The following OAS2 variants were observed in gnomAD, a reference collection of about 807,000 sequenced individuals.
OAS2 encodes the protein 2'-5'-oligoadenylate synthetase 2.
Under a neutral mutation model 71.3 loss-of-function variants are expected in OAS2, and 67 were observed. The observed-to-expected ratio is 0.94, with a 90% CI of 0.77 to 1.15. The LOEUF (loss-of-function observed/expected upper bound fraction) is 1.15. Among genes scored for constraint, OAS2 ranks in the 50% most tolerant of loss-of-function variants. The pLI, the probability that OAS2 is intolerant of heterozygous loss-of-function variation, is 0.00. For synonymous variants in OAS2, 327 were observed against 321.8 expected (o/e 1.02, Z -0.17); for missense variants, 789 against 822.5 (o/e 0.96, Z 0.50).
intron 1 of OAS2, among the ~76,000 whole-genome samples, chr12:112,982,842 C>A (rs1010402162): frequency 6.6e-6 from 1 of 152,148 alleles, no homozygotes; most frequent in Non-Finnish European, 1.5e-5. Context: ...ATTACTGATT[C>A]AATCTACTCA....
chr12:113,004,873 C>A, intron 6 of OAS2, 61 bp from the exon 7 acceptor site: 1 of 1,563,762 alleles, frequency 6.4e-7, no homozygotes, highest in Non-Finnish European at 8.7e-7. Context: ...TGCCAGCCCA[C>A]GGGGGCACGG....
chr12:112,985,838 T>G (rs1448246358), intron 1 of OAS2, among the ~76,000 whole-genome samples: 1 of 152,234 alleles, frequency 6.6e-6, no homozygotes, highest in African/African-American at 2.4e-5. Context: ...CTGGGCATGA[T>G]GGCTCATGCC....
intron 5 of OAS2, among the ~76,000 whole-genome samples, chr12:112,998,649 C>T (rs34941832): frequency 0.11 from 16,424 of 152,244 alleles, 976 homozygotes; most frequent in Non-Finnish European, 0.14. Context: ...AAGAATTATT[C>T]CAGGCTTCCT....
intron 2 of OAS2, among the ~76,000 whole-genome samples, 192 bp from the exon 3 acceptor site, chr12:112,995,104 G>A (rs796482647): frequency 2.6e-5 from 4 of 152,192 alleles, no homozygotes; most frequent in African/African-American, 9.6e-5. Flanking sequence ...AGTCAGTTTA[G>A]ACTACACTTT....
intron 2 of OAS2, among the ~76,000 whole-genome samples, chr12:112,990,548 C>T (rs1018251103): frequency 6.6e-6 from 1 of 152,180 alleles, no homozygotes; most frequent in Non-Finnish European, 1.5e-5. Context: ...AGATGTCAGA[C>T]GATTAGTTAA....
intron 1 of OAS2, among the ~76,000 whole-genome samples, chr12:112,986,157 G>A (rs1363047968): frequency 6.6e-6 from 1 of 152,174 alleles, no homozygotes; most frequent in Non-Finnish European, 1.5e-5. Context: ...TGTTAATGGA[G>A]TCTGTGGAAA....
chr12:113,008,962 TG>T (rs1447695511), intron 9 of OAS2, 124 bp from the exon 10 acceptor site: 11 of 1,471,966 alleles, frequency 7.5e-6, no homozygotes, highest in Admixed American at 2.4e-5. Context: ...CTAGTAAATT[TG>T]AGTTGCTGAC....
Position 113,009,493 on chromosome 12 carries a change from C to T in OAS2, c.*238C>T, listed in dbSNP as rs1565999062. 2 of 1,215,278 alleles carry T rather than the reference C, an allele frequency of 1.6e-6. No homozygotes were observed. Among genetic ancestry groups the T allele is most frequent in the East Asian group, 7.6e-5 (2 of 26,354 alleles). The allele number at this position is 1,215,278 out of a possible 1,614,324, so 75.3% of individuals were successfully genotyped here. A position where few individuals can be genotyped will look rare whatever the true frequency, so the allele number is the denominator to read the frequency against. On this transcript the variant is annotated 3_prime_UTR_variant, in exon 10 of 10. Transcript: ENST00000392583. ...TCTCTACCCAGTAGATGCCACTAGC[C>T]CTCCTCTCCCAGTGACAACCAAAAG...
chr12:113,005,918 CAAAAAAAAAAAA>C (rs138299398), intron 7 of OAS2, among the ~76,000 whole-genome samples: 14 of 49,048 alleles, frequency 2.9e-4, no homozygotes, highest in Admixed American at 1.2e-3. Flanking sequence ...ACAACAACAA[CAAAAAAAAAAAA>C]AAAAAAAAAA....
Position 113,007,828 on chromosome 12 carries a change from A to G in OAS2, c.1780A>G (p.Thr594Ala), listed in dbSNP as rs754757027. ...PDFDTAEGFR[T>A]VLELVTQYQQ... ...TTTTGACACTGCAGAAGGTTTCCGG[A>G]CAGTCCTGGAGCTGGTCACACAATA... Residue 594 changes from threonine to alanine, a missense_variant, in exon 9 of 10, where the codon ACA becomes GCA. By Grantham distance (58) the Thr-to-Ala change is moderately conservative. Coordinates refer to ENST00000392583, the MANE Select transcript of OAS2 (RefSeq NM_002535.3). 1 of 1,614,188 alleles carries G rather than the reference A, an allele frequency of 6.2e-7. No individual in the cohort carries two copies.
intron 7 of OAS2, among the ~76,000 whole-genome samples, 194 bp from the exon 8 acceptor site, chr12:113,006,219 T>C (rs1293748): frequency 0.8 from 121,294 of 152,250 alleles, 49,347 homozygotes; most frequent in East Asian, 1. Flanking sequence ...CAGCTGCACC[T>C]GTGTAGACCA....
intron 1 of OAS2, among the ~76,000 whole-genome samples, chr12:112,984,200 T>C (rs2044110030): frequency 6.6e-6 from 1 of 152,242 alleles, no homozygotes; most frequent in Non-Finnish European, 1.5e-5. Flanking sequence ...CTCAGTGCTC[T>C]ACCGTTGGGT....
Position 112,978,878 on chromosome 12 carries a change from G to A in OAS2, c.177+93G>A. 3 of 1,248,078 alleles carry A rather than the reference G, an allele frequency of 2.4e-6. No homozygotes were observed. In the South Asian group the frequency reaches 4.5e-5, roughly 19 times the overall value. The allele number at this position is 1,248,078 out of a possible 1,614,324, so 77.3% of individuals were successfully genotyped here. On this transcript the variant is annotated intron_variant, in intron 1 of 9. Coordinates refer to ENST00000392583, the MANE Select transcript of OAS2 (RefSeq NM_002535.3). This position sits in a 1 kb window ranked among gnomAD's most constrained non-coding sequence, Gnocchi z 4.2. ...ACTGGGTGCTGGGTGCCTATTATGT[G>A]CGAGGCCCACACTTGGGTGGGATGT... is the stretch of plus-strand genomic sequence containing the variant.
At position 112,987,292 on chromosome 12, in the gene OAS2, C is replaced by T. The variant is rs376806742; in HGVS notation, c.432C>T (p.Ala144=). 1.1e-5 allele frequency: 17 copies of T among 1,614,066 alleles called. No individual in the cohort carries two copies. The highest frequency in any genetic ancestry group is 2.7e-5 in the African/African-American group (2 of 74,926). The change falls in exon 2 of 10, where the codon GCC becomes GCT. Residue 144 remains alanine, a synonymous_variant. Transcript: ENST00000392583. ...KNQRISFEVL[A]AFNALSLNDN... Reference sequence around the variant, plus strand: ...AGAGAATCTCTTTCGAGGTGCTGGCCGCCTTCAACGCTCTGAGTAAGCATT... The same window carrying T: ...AGAGAATCTCTTTCGAGGTGCTGGCTGCCTTCAACGCTCTGAGTAAGCATT...
chr12:112,998,291 C>G lies in OAS2; in HGVS notation c.889C>G (p.Pro297Ala). 9 of 1,612,724 alleles carry G rather than the reference C, an allele frequency of 5.6e-6. No individual in the cohort carries two copies. The highest frequency in any genetic ancestry group is 7.6e-6 in the Non-Finnish European group (9 of 1,179,476). The change falls in exon 5 of 10, where the codon CCA becomes GCA. Residue 297 changes from proline to alanine, a missense_variant. Pro to Ala is a conservative substitution (Grantham distance 27, BLOSUM62 -1). Coordinates refer to ENST00000392583, the MANE Select transcript of OAS2 (RefSeq NM_002535.3). ...GCCAGTAATCTTGGATCCAGTTGAC[C>G]CAACCAATAATGTGAGTGGAGATAA... ...ARPVILDPVD[P>A]TNNVSGDKIC...
rs186455313 is a variant in OAS2, at chr12:112,987,107, G to A, written c.247G>A (p.Asp83Asn). The A allele has an allele frequency of 3.3e-5, 54 of 1,614,154 alleles. No individual in the cohort carries two copies. The East Asian group carries it at 1.1e-3, about 34-fold the overall frequency. Reference protein sequence around the residue: ...SDGTLVLFFSDLKQFQDQKRS... With the variant: ...SDGTLVLFFSNLKQFQDQKRS... Reference sequence around the variant, plus strand: ...TGGTACCCTTGTCCTCTTCTTCAGTGACTTAAAACAATTCCAGGATCAGAA... The same window carrying A: ...TGGTACCCTTGTCCTCTTCTTCAGTAACTTAAAACAATTCCAGGATCAGAA... The change falls in exon 2 of 10, where the codon GAC (aspartate) becomes AAC (asparagine). Residue 83 changes from aspartate to asparagine, a missense_variant. Physicochemically the swap from Asp to Asn is conservative, Grantham distance 23. Transcript: ENST00000392583.
intron 2 of OAS2, chr12:112,988,472 C>A: frequency 2.3e-6 from 1 of 438,372 alleles, no homozygotes; most frequent in Non-Finnish European, 3.0e-6. Flanking sequence ...GAACAGTTGG[C>A]CACCTTTGAT....
intron 5 of OAS2, among the ~76,000 whole-genome samples, chr12:113,000,409 A>C (rs191369760): frequency 6.6e-6 from 1 of 152,166 alleles, no homozygotes. Flanking sequence ...CTGTCTCTGC[A>C]GTTGTTGAAG....
intron 5 of OAS2, among the ~76,000 whole-genome samples, chr12:113,001,480 A>ATATACACATATATATACACATC (rs2044289705): frequency 1.7e-5 from 2 of 115,818 alleles, no homozygotes; most frequent in Non-Finnish European, 3.9e-5. Flanking sequence ...ATATACACAT[A>ATATACACATATATATACACATC]TATACACATA....
Sources: allele counts gnomAD v4.1 joint callset (sites outside exome capture counted in the v4.1 genomes callset), GRCh38; gene constraint gnomAD v4.1.1; non-coding constraint Gnocchi (gnomAD v3.1); transcripts MANE v1.5; gene names NCBI Gene and HGNC (gene_info 2026-07-23, HGNC 2026-07-21).